Variants in CHAT observed in about 807,000 individuals in gnomAD.
CHAT encodes choline O-acetyltransferase, also known as acetyl CoA:choline O-acetyltransferase.
Under a neutral mutation model 76.9 loss-of-function variants are expected in CHAT, and 61 were observed. That is an observed-to-expected ratio of 0.79 (90% CI 0.65 to 0.98). CHAT has a LOEUF of 0.98. Among genes scored for constraint, CHAT ranks in the 50% least tolerant of loss-of-function variants. The probability of loss-of-function intolerance (pLI) is 0.00; values close to 1 mark genes in which losing one functional copy is unlikely to be tolerated. For synonymous variants in CHAT, 407 were observed against 397.4 expected (o/e 1.02, Z -0.29); for missense variants, 946 against 986.9 (o/e 0.96, Z 0.56).
intron 2 of CHAT, among the ~76,000 whole-genome samples, chr10:49,617,965 G>A (rs1164616609): frequency 1.3e-5 from 2 of 152,200 alleles, no homozygotes; most frequent in African/African-American, 4.8e-5. Context: ...TCCATCAGCA[G>A]CAGGGGCAGA....
chr10:49,643,270 T>C (rs1429931856), intron 7 of CHAT, among the ~76,000 whole-genome samples: 1 of 152,208 alleles, frequency 6.6e-6, no homozygotes, highest in Non-Finnish European at 1.5e-5. Flanking sequence ...ACCTAAATCC[T>C]GCATGCCCTC....
chr10:49,647,522 T>G (rs943390180), intron 8 of CHAT, among the ~76,000 whole-genome samples: 13 of 152,216 alleles, frequency 8.5e-5, no homozygotes, highest in African/African-American at 3.1e-4. Context: ...TCGTTTTCCT[T>G]TCTCTCTGTC....
At chr10:49,654,176 C>A (rs1355945670) in intron 11 of CHAT, among the ~76,000 whole-genome samples, 1 of 152,206 alleles carries the variant, frequency 6.6e-6, no homozygotes, top group Non-Finnish European at 1.5e-5. Flanking sequence ...GAGCTCCTTG[C>A]CAGAGTCTTG....
At chr10:49,621,711 G>A (rs1276308772) in intron 4 of CHAT, among the ~76,000 whole-genome samples, 1 of 152,084 alleles carries the variant, frequency 6.6e-6, no homozygotes, top group Non-Finnish European at 1.5e-5. Context: ...GCCTCTCCTA[G>A]CTTCCGTCTC....
At chr10:49,651,257 C>T (rs1839867198) in intron 10 of CHAT, among the ~76,000 whole-genome samples, 1 of 149,086 alleles carries the variant, frequency 6.7e-6, no homozygotes, top group African/African-American at 2.5e-5. Flanking sequence ...TTCCTAGCAC[C>T]TGGCCCCACC....
chr10:49,643,064 G>T (rs181249894), intron 7 of CHAT, among the ~76,000 whole-genome samples: 11 of 152,196 alleles, frequency 7.2e-5, no homozygotes, highest in Non-Finnish European at 1.2e-4. Flanking sequence ...ATTATCATCC[G>T]TGTTTACAAG....
chr10:49,638,835 G>A (rs775027782), intron 7 of CHAT, among the ~76,000 whole-genome samples: 19 of 152,188 alleles, frequency 1.2e-4, no homozygotes, highest in Non-Finnish European at 1.9e-4. Flanking sequence ...CTTAAAAGGA[G>A]AATGAAAATG....
intron 2 of CHAT, 47 bp downstream of exon 2, chr10:49,616,649 C>T (rs1423245720): frequency 6.9e-6 from 9 of 1,311,750 alleles, no homozygotes; most frequent in Non-Finnish European, 8.7e-6. Flanking sequence ...TCCCCACCTA[C>T]ATGCCCTTGC....
intron 1 of CHAT, chr10:49,615,791 G>A: frequency 1.8e-6 from 1 of 546,728 alleles, no homozygotes; most frequent in Non-Finnish European, 3.2e-6. Context: ...GTGGCCCCTA[G>A]GGGCCCTGGC....
chr10:49,622,027 C>CAGTAGGGAGGG, intron 4 of CHAT, 70 bp from the exon 5 acceptor site: 1 of 1,533,340 alleles, frequency 6.5e-7, no homozygotes, highest in Non-Finnish European at 9.0e-7. Context: ...GGAGGGGAGG[C>CAGTAGGGAGGG]AGAAGGGAGG....
At chr10:49,644,416 A>C (rs1398686150) in intron 7 of CHAT, among the ~76,000 whole-genome samples, 1 of 152,062 alleles carries the variant, frequency 6.6e-6, no homozygotes, top group African/African-American at 2.4e-5. Flanking sequence ...CTCCTTAAGG[A>C]GCTTACAGGA....
intron 7 of CHAT, among the ~76,000 whole-genome samples, chr10:49,645,214 T>A (rs1201678052): frequency 5.3e-5 from 8 of 152,146 alleles, no homozygotes; most frequent in Non-Finnish European, 1.0e-4. Context: ...ACTAGGAGTC[T>A]CTACCATGTA....
chr10:49,640,634 C>T (rs909651734), intron 7 of CHAT, among the ~76,000 whole-genome samples: 1 of 152,172 alleles, frequency 6.6e-6, no homozygotes, highest in Non-Finnish European at 1.5e-5. Flanking sequence ...TCTGATACCC[C>T]AGAAGCTGAG....
chr10:49,663,403 G>A (rs1353780445), intron 14 of CHAT, among the ~76,000 whole-genome samples: 1 of 152,164 alleles, frequency 6.6e-6, no homozygotes, highest in Admixed American at 6.5e-5. Context: ...CTGATGCCCA[G>A]CAGGTCTGCA....
intron 7 of CHAT, among the ~76,000 whole-genome samples, chr10:49,643,825 C>G (rs1360571266): frequency 6.6e-6 from 1 of 152,224 alleles, no homozygotes; most frequent in African/African-American, 2.4e-5. Context: ...AAGTCCATTA[C>G]CCAGCATGGA....
intron 7 of CHAT, among the ~76,000 whole-genome samples, chr10:49,631,864 C>T (rs2132749271): frequency 6.6e-6 from 1 of 151,660 alleles, no homozygotes; most frequent in South Asian, 2.1e-4. Flanking sequence ...ACGATGATTC[C>T]AGTAGCATGG....
intron 7 of CHAT, among the ~76,000 whole-genome samples, chr10:49,644,759 G>A (rs755267303): frequency 1.1e-4 from 16 of 152,362 alleles, no homozygotes; most frequent in Non-Finnish European, 2.1e-4. Flanking sequence ...TTTCAGGCAA[G>A]GGCATCTGTG....
chr10:49,664,646 C>A, intron 14 of CHAT, 131 bp from the exon 15 acceptor site: 3 of 1,144,956 alleles, frequency 2.6e-6, no homozygotes, highest in South Asian at 1.3e-5. Context: ...TGTGTCCATC[C>A]ATGCTAAAGC....
intron 7 of CHAT, among the ~76,000 whole-genome samples, chr10:49,635,124 C>G (rs1462684625): frequency 6.6e-6 from 1 of 152,194 alleles, no homozygotes; most frequent in African/African-American, 2.4e-5. Flanking sequence ...AACCACAAAT[C>G]TGTTCTCTAT....
Sources: gnomAD v4.1 joint callset for allele counts (sites outside exome capture counted in the v4.1 genomes callset) on GRCh38, gnomAD v4.1.1 for gene constraint, MANE v1.5 for transcripts, NCBI Gene and HGNC (gene_info 2026-07-23, HGNC 2026-07-21) for gene names.